The following COL26A1 variants were observed in gnomAD, a reference collection of about 807,000 sequenced individuals.
The protein encoded by COL26A1 is collagen alpha-1(XXVI) chain.
COL26A1 carries 41 observed loss-of-function variants against 59.3 expected under a neutral mutation model. The observed-to-expected ratio is 0.69, with a 90% confidence interval of 0.54 to 0.90. The LOEUF (loss-of-function observed/expected upper bound fraction) is 0.90, where lower values mean the gene tolerates loss of function less well. Ranked by LOEUF, COL26A1 falls within the 40% of genes least tolerant of loss-of-function variation. COL26A1 has a pLI of 0.00. For missense variants in COL26A1, 612 were observed against 602.3 expected (o/e 1.02, Z -0.17); for synonymous variants, 266 against 256.0 (o/e 1.04, Z -0.37).
intron 1 of COL26A1, among the ~76,000 whole-genome samples, chr7:101,370,657 C>CCACT: frequency 6.6e-6 from 1 of 152,252 alleles, no homozygotes; most frequent in African/African-American, 2.4e-5. Flanking sequence ...CAGGCATGAG[C>CCACT]CACTGCACCC....
At chr7:101,390,156 T>TTTTG (rs1554404344) in intron 1 of COL26A1, among the ~76,000 whole-genome samples, 10,267 of 114,036 alleles carry the variant, frequency 0.09, 704 homozygotes, top group Non-Finnish European at 0.12. Flanking sequence ...GGGTTTTTTT[T>TTTTG]TTTTTTTTTT....
intron 3 of COL26A1, among the ~76,000 whole-genome samples, chr7:101,520,663 C>CACACACACCA (rs57784373): frequency 7.2e-6 from 1 of 139,066 alleles, no homozygotes; most frequent in African/African-American, 3.2e-5. Flanking sequence ...CACACACACA[C>CACACACACCA]CCCCGTGTTC....
chr7:101,520,663 C>T (rs980659011), intron 3 of COL26A1, among the ~76,000 whole-genome samples: 6 of 139,066 alleles, frequency 4.3e-5, no homozygotes, highest in African/African-American at 9.5e-5. Flanking sequence ...CACACACACA[C>T]CCCCGTGTTC....
At position 101,474,205 on chromosome 7, in the gene COL26A1, A is replaced by G. The variant is rs528078368; in HGVS notation, c.385+26418A>G. 2.0e-5 allele frequency among the ~76,000 whole-genome samples: 3 copies of G among 152,320 alleles called. No homozygotes were observed. The East Asian group carries it at 5.8e-4, about 29-fold the overall frequency. ...GGTTAAGTGATTGGATGAAGGCCAC[A>G]TAGATAGTAAGTGAATGATTGATCC... On this transcript the variant is annotated intron_variant, in intron 3 of 12. Transcript: ENST00000313669.
intron 3 of COL26A1, among the ~76,000 whole-genome samples, chr7:101,495,945 AT>A (rs2130544511): frequency 6.7e-6 from 1 of 149,820 alleles, no homozygotes; most frequent in Non-Finnish European, 1.5e-5. Context: ...AATAAAAAAA[AT>A]TAGCCAGGCC....
At chr7:101,556,655 A>G (rs1210456022) in intron 12 of COL26A1, among the ~76,000 whole-genome samples, 1 of 151,100 alleles carries the variant, frequency 6.6e-6, no homozygotes, top group Non-Finnish European at 1.5e-5. Flanking sequence ...GAATGGATGG[A>G]TGGATGGATG....
intron 3 of COL26A1, among the ~76,000 whole-genome samples, chr7:101,523,615 C>A (rs1230277003): frequency 6.6e-6 from 1 of 151,988 alleles, no homozygotes; most frequent in African/African-American, 2.4e-5. Flanking sequence ...TCCAATTGAC[C>A]AGCACCATTT....
At chr7:101,392,742 G>C (rs1047165075) in intron 1 of COL26A1, among the ~76,000 whole-genome samples, 1 of 151,946 alleles carries the variant, frequency 6.6e-6, no homozygotes, top group African/African-American at 2.4e-5. Context: ...ACCCAGAAAG[G>C]GTGACAGTCA....
chr7:101,410,986 T>A (rs1033660179), intron 1 of COL26A1, among the ~76,000 whole-genome samples: 6 of 152,218 alleles, frequency 3.9e-5, no homozygotes, highest in African/African-American at 1.2e-4. Context: ...GGCACTGGCC[T>A]TTCTGAGGGA....
intron 6 of COL26A1, among the ~76,000 whole-genome samples, chr7:101,544,750 C>T (rs1383938601): frequency 6.6e-6 from 1 of 152,058 alleles, no homozygotes; most frequent in Non-Finnish European, 1.5e-5. Flanking sequence ...CCAGGCTGGT[C>T]TTGAACTCCT....
intron 3 of COL26A1, among the ~76,000 whole-genome samples, chr7:101,518,025 G>C (rs1316282755): frequency 6.6e-6 from 1 of 151,868 alleles, no homozygotes; most frequent in Non-Finnish European, 1.5e-5. Context: ...AGTTGCTTAG[G>C]CTAGTCTTGA....
chr7:101,434,102 GCTTT>G (rs1360389796), intron 2 of COL26A1, among the ~76,000 whole-genome samples: 4 of 92,376 alleles, frequency 4.3e-5, no homozygotes, highest in African/African-American at 1.4e-4. Context: ...CTTTCTTTCT[GCTTT>G]CTTTCTTTTT....
intron 3 of COL26A1, among the ~76,000 whole-genome samples, chr7:101,524,964 C>T (rs1276057813): frequency 1.1e-4 from 16 of 152,192 alleles, no homozygotes. Flanking sequence ...ACAGAACCCC[C>T]AGGGTTATAG....
At chr7:101,466,434 A>G (rs1019508468) in intron 3 of COL26A1, among the ~76,000 whole-genome samples, 2 of 151,996 alleles carry the variant, frequency 1.3e-5, no homozygotes, top group African/African-American at 4.8e-5. Context: ...GGGCACAGTG[A>G]CTCATACCTG....
intron 3 of COL26A1, among the ~76,000 whole-genome samples, chr7:101,489,455 G>A (rs1794336993): frequency 6.6e-6 from 1 of 152,192 alleles, no homozygotes; most frequent in Admixed American, 6.5e-5. Flanking sequence ...TCCTGATCCA[G>A]ACGCCAAGAG....
intron 2 of COL26A1, among the ~76,000 whole-genome samples, chr7:101,425,828 T>G (rs979339253): frequency 4.3e-5 from 6 of 138,564 alleles, no homozygotes; most frequent in Non-Finnish European, 7.8e-5. Flanking sequence ...TTAGCATAAT[T>G]TTTTTTTTTT....
chr7:101,504,618 C>T (rs970912751), intron 3 of COL26A1, among the ~76,000 whole-genome samples: 3 of 152,214 alleles, frequency 2.0e-5, no homozygotes, highest in Non-Finnish European at 2.9e-5. Context: ...AAACATCTCA[C>T]CTCTGCCTCC....
chr7:101,378,420 C>T (rs1791368352), intron 1 of COL26A1, among the ~76,000 whole-genome samples: 1 of 152,126 alleles, frequency 6.6e-6, no homozygotes, highest in Non-Finnish European at 1.5e-5. Context: ...TCCCTATATG[C>T]ATGAAGCAGG....
chr7:101,389,438 G>A (rs918525192), intron 1 of COL26A1, among the ~76,000 whole-genome samples: 13 of 149,856 alleles, frequency 8.7e-5, no homozygotes, highest in East Asian at 7.9e-4. Flanking sequence ...AGAGTGCAGC[G>A]GCTCAGTCTT....
Sources: gnomAD v4.1 joint callset for allele counts (sites outside exome capture counted in the v4.1 genomes callset) on GRCh38, gnomAD v4.1.1 for gene constraint, MANE v1.5 for transcripts, NCBI Gene and HGNC (gene_info 2026-07-23, HGNC 2026-07-21) for gene names.